WDR76: variants seen among roughly 807,000 people sequenced by gnomAD.
WDR76 encodes WD repeat domain 76.
Under a neutral mutation model 70.2 loss-of-function variants are expected in WDR76, and 52 were observed. That is an observed-to-expected ratio of 0.74 (90% confidence interval 0.59 to 0.93). The LOEUF (loss-of-function observed/expected upper bound fraction) is 0.93, where lower values mean the gene tolerates loss of function less well. Among genes scored for constraint, WDR76 ranks in the 40% least tolerant of loss-of-function variants. The pLI, the probability that WDR76 is intolerant of heterozygous loss-of-function variation, is 0.00. For synonymous variants in WDR76, 292 were observed against 271.1 expected, an observed-to-expected ratio of 1.08 and a Z score of -0.76; for missense variants, 756 against 760.2, an observed-to-expected ratio of 0.99 and a Z score of 0.07.
intron 10 of WDR76, chr15:43,857,478 CTT>C: frequency 1.0e-6 from 1 of 985,312 alleles, no homozygotes; most frequent in Non-Finnish European, 1.2e-6. Flanking sequence ...TGACCTATAA[CTT>C]GTTGGCCTGT....
chr15:43,841,055 C>G (rs745324534), intron 5 of WDR76, among the ~76,000 whole-genome samples: 49 of 151,362 alleles, frequency 3.2e-4, no homozygotes, highest in Admixed American at 1.1e-3. Flanking sequence ...GAGTCTCCCT[C>G]TGTCACCCAG....
chr15:43,834,298 CTTT>C (rs971086051), intron 2 of WDR76, among the ~76,000 whole-genome samples: 10 of 132,138 alleles, frequency 7.6e-5, no homozygotes, highest in South Asian at 4.9e-4. Flanking sequence ...AAAAAAATAA[CTTT>C]TTTTTTTTTT....
rs1050929177 is a variant in WDR76 at position 43,843,961 on chromosome 15, A to G, written c.939A>G (p.Thr313=). 3 of 1,612,488 alleles carry G rather than the reference A, an allele frequency of 1.9e-6. No homozygotes were observed. The African/African-American group carries it at 4.0e-5, about 22-fold the overall frequency. The change falls in exon 8 of 13, where the codon ACA becomes ACG. Residue 313 remains threonine, a synonymous_variant. Coordinates refer to ENST00000263795, the MANE Select transcript of WDR76 (RefSeq NM_024908.4). The part of the protein sequence containing the change: ...ISEDTVYKVT[T]GPIFSMALHP... ...AAGATACCGTTTACAAAGTTACCAC[A>G]GGCCCAATATTCTCTATGGCTCTCC... is the stretch of plus-strand genomic sequence containing the variant.
intron 12 of WDR76, 53 bp downstream of exon 12, chr15:43,861,439 T>C (rs900874869): frequency 7.6e-6 from 11 of 1,456,180 alleles, no homozygotes; most frequent in East Asian, 2.3e-5. Flanking sequence ...GAACTATTTG[T>C]TGCAGTGCAT....
At chr15:43,831,608 T>C (rs1463991606) in intron 2 of WDR76, among the ~76,000 whole-genome samples, 1 of 152,054 alleles carries the variant, frequency 6.6e-6, no homozygotes, top group Non-Finnish European at 1.5e-5. Flanking sequence ...CTAGCTAATT[T>C]TTTGTATTTT....
chr15:43,844,018 T>G lies in WDR76; in HGVS notation c.996T>G (p.Val332=). The G allele has an allele frequency of 6.2e-7, 1 of 1,613,746 alleles. No individual in the cohort carries two copies. Among genetic ancestry groups the G allele is most frequent in the Non-Finnish European group, 8.5e-7 (1 of 1,179,870 alleles). ...HPSETRTLVA[V]GAKFGQVGLC... The stretch of plus-strand genomic sequence containing the variant: ...CAGAAACTAGAACTTTGGTAGCAGT[T>G]GGGGCCAAATTTGGGCAAGTTGGAC... Residue 332 remains valine, a synonymous_variant, in exon 8 of 13, where the codon GTT becomes GTG. Transcript: ENST00000263795.
chr15:43,851,072 G>A lies in WDR76; in HGVS notation c.1033-15G>A, dbSNP rs370577231. The A allele has an allele frequency of 8.4e-5, 135 of 1,610,330 alleles. No individual in the cohort carries two copies. The highest frequency in any genetic ancestry group is 1.6e-4 in the Middle Eastern group (1 of 6,074). On this transcript the variant is annotated splice_polypyrimidine_tract_variant and intron_variant, in intron 8 of 12. Coordinates refer to ENST00000263795, the MANE Select transcript of WDR76 (RefSeq NM_024908.4). ...AGTTTTTTTCTCTCTCCCCTTTCCC[G>A]CAACTCTCTTCCAGACCCAGCAACC... is the stretch of plus-strand genomic sequence containing the variant.
At chr15:43,831,038 ACT>A (rs1164477396) in intron 2 of WDR76, among the ~76,000 whole-genome samples, 3 of 151,626 alleles carry the variant, frequency 2.0e-5, no homozygotes, top group Non-Finnish European at 4.4e-5. Context: ...ACAGAGCGAG[ACT>A]CTGTCCCCAC....
In WDR76 at chr15:43,858,667, A is replaced by G; in HGVS notation, c.1410-4A>G. 1 of 1,613,430 alleles carries G rather than the reference A, an allele frequency of 6.2e-7. No homozygotes were observed. Among genetic ancestry groups the G allele is most frequent in the Non-Finnish European group, 8.5e-7 (1 of 1,179,698 alleles). Reference sequence around the variant, plus strand: ...AACATTGATCATTGTTTCTCCCATTACAGGGATACTCATATTTATGATGCA... The same window carrying G: ...AACATTGATCATTGTTTCTCCCATTGCAGGGATACTCATATTTATGATGCA... On this transcript the variant is annotated splice_polypyrimidine_tract_variant and splice_region_variant and intron_variant, in intron 10 of 12. Transcript: ENST00000263795.
chr15:43,832,428 C>G (rs2087600785), intron 2 of WDR76, among the ~76,000 whole-genome samples: 1 of 52,806 alleles, frequency 1.9e-5, no homozygotes, highest in Non-Finnish European at 4.5e-5. Flanking sequence ...CTGGGTTCAT[C>G]TTTGTTTTTT....
At chr15:43,832,905 A>G (rs1215686464) in intron 2 of WDR76, among the ~76,000 whole-genome samples, 2 of 151,390 alleles carry the variant, frequency 1.3e-5, no homozygotes, top group Non-Finnish European at 2.9e-5. Flanking sequence ...GGTGTGCACT[A>G]CCACACCCAG....
At chr15:43,843,324 G>A (rs1272490005) in intron 7 of WDR76, among the ~76,000 whole-genome samples, 2 of 151,882 alleles carry the variant, frequency 1.3e-5, no homozygotes, top group African/African-American at 2.4e-5. Context: ...CCTGGCCTGC[G>A]TTATGTTTTT....
chr15:43,857,196 C>CTT (rs2087939447), intron 10 of WDR76, 33 bp downstream of exon 10: 3 of 1,548,488 alleles, frequency 1.9e-6, no homozygotes, highest in Admixed American at 3.9e-5. Context: ...TGACTTAGAC[C>CTT]TTTTAATGTC....
At chr15:43,858,647 T>G (rs748606054) in intron 10 of WDR76, 24 bp from the exon 11 acceptor site, 1 of 1,611,230 alleles carries the variant, frequency 6.2e-7, no homozygotes, top group South Asian at 1.1e-5. Context: ...ATGGCAACAT[T>G]GATCATTGTT....
intron 12 of WDR76, among the ~76,000 whole-genome samples, chr15:43,865,048 A>G (rs570237944): frequency 1.8e-4 from 28 of 151,970 alleles, no homozygotes; most frequent in African/African-American, 6.5e-4. Context: ...CAGCCTCCCC[A>G]GTAGCTGGGA....
At chr15:43,834,355 CA>C (rs1333543517) in intron 2 of WDR76, among the ~76,000 whole-genome samples, 2 of 146,180 alleles carry the variant, frequency 1.4e-5, no homozygotes, top group Non-Finnish European at 3.0e-5. Flanking sequence ...GGCTAGAGTG[CA>C]ATGGTGCGAT....
In WDR76 at chr15:43,835,204, C is replaced by T. The variant is rs146637435; in HGVS notation, c.552+54C>T. 6.4e-3 allele frequency: 9,758 copies of T among 1,521,032 alleles called. 156 individuals carry two copies. Among genetic ancestry groups the T allele is most frequent in the East Asian group, 0.051 (2,262 of 44,324 alleles). The allele number at this position is 1,521,032 out of a possible 1,614,324, so 94.2% of individuals were successfully genotyped here. A position where few individuals can be genotyped will look rare whatever the true frequency, so the allele number is the denominator to read the frequency against. Reference sequence around the variant, plus strand: ...ATGCAGGGCCGGGAACAGTGGGTAGCGCCTGTAATCCTGTCACTTGGGGAG... The same window carrying T: ...ATGCAGGGCCGGGAACAGTGGGTAGTGCCTGTAATCCTGTCACTTGGGGAG... On this transcript the variant is annotated intron_variant, in intron 3 of 12. Coordinates refer to ENST00000263795, the MANE Select transcript of WDR76 (RefSeq NM_024908.4).
chr15:43,854,805 A>G (rs575239091), intron 9 of WDR76, among the ~76,000 whole-genome samples: 6 of 151,624 alleles, frequency 4.0e-5, no homozygotes, highest in South Asian at 2.1e-4. Flanking sequence ...AAAAAATTAG[A>G]TGGGCATGGT....
chr15:43,850,992 C>A, intron 8 of WDR76, 95 bp from the exon 9 acceptor site: 2 of 1,409,652 alleles, frequency 1.4e-6, no homozygotes, highest in Non-Finnish European at 1.9e-6. Flanking sequence ...TGAATATAAT[C>A]CAGTGTAAAT....
Sources: allele counts gnomAD v4.1 joint callset (sites outside exome capture counted in the v4.1 genomes callset), GRCh38; gene constraint gnomAD v4.1.1; transcripts MANE v1.5; gene names NCBI Gene and HGNC (gene_info 2026-07-23, HGNC 2026-07-21).